NRXN3: variants seen among roughly 807,000 people sequenced by gnomAD.
The protein encoded by NRXN3 is neurexin III.
Under a neutral mutation model 137.6 loss-of-function variants are expected in NRXN3, and 32 were observed. The ratio of observed to expected loss-of-function variants is 0.23; its 90% CI spans 0.18 to 0.31. NRXN3 has a LOEUF of 0.31. Ranked by LOEUF, NRXN3 falls within the 10% of genes least tolerant of loss-of-function variation. The pLI is 1.00. For missense variants in NRXN3, 1,574 were observed against 2,062.5 expected, an observed-to-expected ratio of 0.76 and a Z score of 4.59; for synonymous variants, 798 against 784.5, an observed-to-expected ratio of 1.02 and a Z score of -0.29.
At position 79,865,818 on chromosome 14, in the gene NRXN3, T is replaced by A. The variant is rs1360636961; in HGVS notation, c.*3854T>A. The A allele has an allele frequency of 2.6e-5, 4 of 152,132 alleles. No homozygotes were observed. The highest frequency in any genetic ancestry group is 9.7e-5 in the African/African-American group (4 of 41,424). 9.4% of individuals were successfully genotyped at this position (152,132 alleles called of 1,614,324 possible). Reference sequence around the variant, plus strand: ...TTTTTTAATTTATTTTTTATTTTTTTAGTAAGGAAGGGTTTCACCATGTTG... The same window carrying A: ...TTTTTTAATTTATTTTTTATTTTTTAAGTAAGGAAGGGTTTCACCATGTTG... On this transcript the variant is annotated 3_prime_UTR_variant, in exon 21 of 21. Coordinates refer to ENST00000335750, the MANE Select transcript of NRXN3 (RefSeq NM_001330195.2).
rs750666410 is a variant in NRXN3, at chr14:78,243,833, C to A, written c.709+31C>A. On this transcript the variant is annotated intron_variant, in intron 2 of 20. Transcript: ENST00000335750. This position sits in a 1 kb window ranked among gnomAD's most constrained non-coding sequence, Gnocchi z 4.2. ...ACCCTCTCCCTCTCTTGCTAGAGAC[C>A]CACCCACGGGATGGCTGAGGCTGGG... The A allele has an allele frequency of 4.0e-6, 6 of 1,502,100 alleles. No homozygotes were observed. Among genetic ancestry groups the A allele is most frequent in the Middle Eastern group, 1.8e-4 (1 of 5,692 alleles). The allele number at this position is 1,502,100 out of a possible 1,614,324, so 93.0% of individuals were successfully genotyped here.
chr14:78,709,131 G>T, intron 6 of NRXN3, 86 bp from the exon 7 acceptor site: 4 of 1,304,600 alleles, frequency 3.1e-6, no homozygotes, highest in Admixed American at 2.3e-5. Context: ...CTCTTTTTGG[G>T]TCATTTTTCC....
chr14:79,566,238 T>C (rs965783815), intron 16 of NRXN3, among the ~76,000 whole-genome samples: 1 of 148,438 alleles, frequency 6.7e-6, no homozygotes, highest in African/African-American at 2.6e-5. Flanking sequence ...TTATTTCATG[T>C]AAGATGTGAG....
In NRXN3 at chr14:78,510,375, C is replaced by T. The variant is rs189416033; in HGVS notation, c.758-134745C>T. Among the ~76,000 whole-genome samples the T allele has an allele frequency of 4.1e-3, 625 of 152,140 alleles. 1 individual carries two copies. The highest frequency in any genetic ancestry group is 0.014 in the African/African-American group (598 of 41,510). On this transcript the variant is annotated intron_variant, in intron 4 of 20. Coordinates refer to ENST00000335750, the MANE Select transcript of NRXN3 (RefSeq NM_001330195.2). The stretch of plus-strand genomic sequence containing the variant: ...ATTCAGAGTTTAATCCTCTGGAACT[C>T]TATGCTTAGCTCTAATCTCAAGGAG...
At chr14:79,348,211 A>T (rs2092995675) in intron 15 of NRXN3, among the ~76,000 whole-genome samples, 1 of 152,150 alleles carries the variant, frequency 6.6e-6, no homozygotes, top group Non-Finnish European at 1.5e-5. Context: ...GTTGACGCTT[A>T]TTCAACTATA....
At chr14:78,911,258 A>G (rs942005031) in intron 10 of NRXN3, among the ~76,000 whole-genome samples, 1 of 152,196 alleles carries the variant, frequency 6.6e-6, no homozygotes, top group Non-Finnish European at 1.5e-5. Flanking sequence ...TCCCACAGCT[A>G]GTAAGTTATA....
intron 19 of NRXN3, among the ~76,000 whole-genome samples, chr14:79,800,871 A>G (rs1289734227): frequency 6.6e-6 from 1 of 152,236 alleles, no homozygotes; most frequent in Non-Finnish European, 1.5e-5. Flanking sequence ...TAAGCCGCTC[A>G]TATCATCCAA....
chr14:78,491,076 C>T (rs2095657468), intron 4 of NRXN3, among the ~76,000 whole-genome samples: 1 of 152,108 alleles, frequency 6.6e-6, no homozygotes, highest in African/African-American at 2.4e-5. Context: ...TGCTGGGTCC[C>T]CTTGGACCTG....
chr14:79,038,480 A>C (rs2099619883), intron 15 of NRXN3, among the ~76,000 whole-genome samples: 1 of 152,130 alleles, frequency 6.6e-6, no homozygotes, highest in South Asian at 2.1e-4. Context: ...TTCAGTTAAA[A>C]ATAATAGAGT....
At chr14:78,647,350 C>T (rs2097697520) in intron 5 of NRXN3, among the ~76,000 whole-genome samples, 1 of 152,240 alleles carries the variant, frequency 6.6e-6, no homozygotes, top group Non-Finnish European at 1.5e-5. Flanking sequence ...AGCCATTTGA[C>T]CTTTCTCCAC....
chr14:78,640,977 C>T (rs2097621615), intron 4 of NRXN3, among the ~76,000 whole-genome samples: 1 of 152,204 alleles, frequency 6.6e-6, no homozygotes, highest in Admixed American at 6.5e-5. Flanking sequence ...TACTGTATTA[C>T]ATAATCCCCT....
intron 16 of NRXN3, among the ~76,000 whole-genome samples, chr14:79,469,573 A>G (rs2153617068): frequency 6.6e-6 from 1 of 152,164 alleles, no homozygotes; most frequent in South Asian, 2.1e-4. Flanking sequence ...CAGACATTTT[A>G]TATCAAAATG....
intron 14 of NRXN3, among the ~76,000 whole-genome samples, chr14:78,987,279 C>A (rs537730274): frequency 2.8e-4 from 42 of 152,208 alleles, no homozygotes; most frequent in Middle Eastern, 6.8e-3. Flanking sequence ...CCACAGCATG[C>A]GTTTTAGAGT....
At chr14:79,010,485 G>C (rs996386638) in intron 15 of NRXN3, among the ~76,000 whole-genome samples, 1 of 152,070 alleles carries the variant, frequency 6.6e-6, no homozygotes, top group Non-Finnish European at 1.5e-5. Context: ...AATCTGAAAG[G>C]TTTTTCACTG....
intron 15 of NRXN3, among the ~76,000 whole-genome samples, chr14:79,461,681 A>C (rs1211664771): frequency 6.6e-6 from 1 of 152,134 alleles, no homozygotes; most frequent in Non-Finnish European, 1.5e-5. Context: ...AATTGATATG[A>C]ATTTAAAAGA....
At chr14:78,995,928 A>G (rs2099529113) in intron 15 of NRXN3, among the ~76,000 whole-genome samples, 1 of 152,158 alleles carries the variant, frequency 6.6e-6, no homozygotes, top group Non-Finnish European at 1.5e-5. Context: ...TCTATGGAAC[A>G]TCTGTGCTGA....
chr14:78,598,565 C>G (rs2097177312), intron 4 of NRXN3, among the ~76,000 whole-genome samples: 1 of 152,212 alleles, frequency 6.6e-6, no homozygotes, highest in Non-Finnish European at 1.5e-5. Flanking sequence ...CTCGCAGTCA[C>G]ACATTTGCTG....
chr14:79,233,624 G>A (rs1325258138), intron 15 of NRXN3, among the ~76,000 whole-genome samples: 1 of 151,762 alleles, frequency 6.6e-6, no homozygotes, highest in Non-Finnish European at 1.5e-5. Flanking sequence ...TAGTTCTTTT[G>A]AAAATTGCAG....
chr14:79,765,362 C>T (rs1603471786), intron 19 of NRXN3, among the ~76,000 whole-genome samples: 2 of 152,186 alleles, frequency 1.3e-5, no homozygotes, highest in African/African-American at 2.4e-5. Flanking sequence ...AAACATCCTC[C>T]CAGTTCTCTT....
Sources: allele counts gnomAD v4.1 joint callset (sites outside exome capture counted in the v4.1 genomes callset), GRCh38; gene constraint gnomAD v4.1.1; non-coding constraint Gnocchi (gnomAD v3.1); transcripts MANE v1.5; gene names NCBI Gene and HGNC (gene_info 2026-07-23, HGNC 2026-07-21).